Variants in NSD1 observed in about 807,000 individuals in gnomAD.
The protein encoded by NSD1 is histone-lysine N-methyltransferase, H3 lysine-36 specific.
NSD1 carries 26 observed loss-of-function variants against 242.7 expected under a neutral mutation model. That is an observed-to-expected ratio of 0.11 (90% confidence interval 0.08 to 0.15). The LOEUF (loss-of-function observed/expected upper bound fraction) is 0.15. NSD1 is among the 10% of genes least tolerant of loss of function. The pLI, the probability that NSD1 is intolerant of heterozygous loss-of-function variation, is 1.00. For missense variants in NSD1, 2,495 were observed against 3,272.8 expected (o/e 0.76, Z 5.80); for synonymous variants, 1,106 against 1,178.1 (o/e 0.94, Z 1.25).
chr5:177,232,041 A>G (rs372259833), intron 5 of NSD1, among the ~76,000 whole-genome samples: 8 of 152,212 alleles, frequency 5.3e-5, no homozygotes, highest in South Asian at 2.1e-4. Flanking sequence ...CTGGGACCGC[A>G]GGTGTGTGCC....
Position 177,265,784 on chromosome 5 carries a change from C to A in NSD1, c.5147-1778C>A, listed in dbSNP as rs1173957340. ...CAGGGACTCGGGTATGGTGGAGAAG[C>A]CGGTCCCTCCGGTCCTCTTGTGGCA... On this transcript the variant is annotated intron_variant, in intron 14 of 22. Coordinates refer to ENST00000439151, the MANE Select transcript of NSD1 (RefSeq NM_022455.5). The A allele has an allele frequency of 4.9e-6, 7 of 1,416,204 alleles. No homozygotes were observed. In the East Asian group the frequency reaches 1.4e-4, roughly 28 times the overall value. The allele number at this position is 1,416,204 out of a possible 1,614,324, so 87.7% of individuals were successfully genotyped here.
chr5:177,137,759 A>G (rs1486429564), intron 2 of NSD1, among the ~76,000 whole-genome samples: 2 of 152,082 alleles, frequency 1.3e-5, no homozygotes, highest in Non-Finnish European at 2.9e-5. Flanking sequence ...TTCTCGTCAA[A>G]GAGATGTTAG....
In NSD1 at chr5:177,300,057, G is replaced by GCCCCCCCCCCCCCCC. The variant is rs60995782; in HGVS notation, c.*4611_*4612insCCCCCCCCCCCCCCC. 1 of 129,928 alleles carries GCCCCCCCCCCCCCCC rather than the reference G, an allele frequency of 7.7e-6. No homozygotes were observed. The highest frequency in any genetic ancestry group is 4.2e-5 in the African/African-American group (1 of 23,956). 8.0% of individuals were successfully genotyped at this position (129,928 alleles called of 1,614,324 possible). On this transcript the variant is annotated 3_prime_UTR_variant, in exon 23 of 23. Transcript: ENST00000439151. Reference sequence around the variant, plus strand: ...AGGTCCATCATTGCTTTTTTGCCGCGCCCCCCCCCCCCCGCCCCCATAGAT... The same window carrying GCCCCCCCCCCCCCCC: ...AGGTCCATCATTGCTTTTTTGCCGCGCCCCCCCCCCCCCCCCCCCCCCCCCCCCGCCCCCATAGAT...
Position 177,265,831 on chromosome 5 carries a change from G to A in NSD1, c.5147-1731G>A, listed in dbSNP as rs1757389756. The A allele has an allele frequency of 2.1e-6, 3 of 1,397,772 alleles. No homozygotes were observed. In the Admixed American group the frequency reaches 5.0e-5, roughly 23 times the overall value. The allele number at this position is 1,397,772 out of a possible 1,614,324, so 86.6% of individuals were successfully genotyped here. A position where few individuals can be genotyped will look rare whatever the true frequency, so the allele number is the denominator to read the frequency against. ...GGCAGTGCGTAAACTCGATGTTGAA[G>A]TAGGCCACCTGGGTGTGCACGTAGT... On this transcript the variant is annotated intron_variant, in intron 14 of 22. Coordinates refer to ENST00000439151, the MANE Select transcript of NSD1 (RefSeq NM_022455.5).
chr5:177,159,135 G>A (rs1003059703), intron 2 of NSD1, among the ~76,000 whole-genome samples: 5 of 148,924 alleles, frequency 3.4e-5, no homozygotes, highest in East Asian at 2.0e-4. Flanking sequence ...CTCCGCCTCC[G>A]GGGTTCAAGT....
At position 177,238,701 on chromosome 5, in the gene NSD1, A is replaced by G. The variant is rs116704095; in HGVS notation, c.4192+194A>G. On this transcript the variant is annotated intron_variant, in intron 7 of 22. Coordinates refer to ENST00000439151, the MANE Select transcript of NSD1 (RefSeq NM_022455.5). This position sits in a 1 kb window ranked among gnomAD's most constrained non-coding sequence, Gnocchi z 4.6. ...TGAACTGTGGCACACTATCAAGAAG[A>G]TGTATTTTTAATAACTATGCTCCTT... is the stretch of plus-strand genomic sequence containing the variant. Among the ~76,000 whole-genome samples the G allele has an allele frequency of 1.9e-3, 295 of 152,306 alleles. 1 individual carries two copies. Among genetic ancestry groups the G allele is most frequent in the African/African-American group, 6.8e-3 (284 of 41,566 alleles).
At chr5:177,198,527 A>G in intron 3 of NSD1, among the ~76,000 whole-genome samples, 1 of 152,228 alleles carries the variant, frequency 6.6e-6, no homozygotes, top group South Asian at 2.1e-4. Context: ...ATCATGAGGG[A>G]CCTATTACTA....
chr5:177,237,735 A>G lies in NSD1; in HGVS notation c.3922-502A>G, dbSNP rs541020835. On this transcript the variant is annotated intron_variant, in intron 6 of 22. Transcript: ENST00000439151. ...TTTTAGGTAGAGACAGGGTTTCACC[A>G]TGGTAGCCAGGATGGTCTTGATCTC... Among the ~76,000 whole-genome samples the G allele has an allele frequency of 3.9e-5, 6 of 151,974 alleles. No homozygotes were observed. In the East Asian group the frequency reaches 5.8e-4, roughly 15 times the overall value.
chr5:177,256,275 CTTTTTTTTTTTTT>C (rs147226070), intron 12 of NSD1, among the ~76,000 whole-genome samples: 2 of 76,854 alleles, frequency 2.6e-5, no homozygotes, highest in Non-Finnish European at 4.9e-5. Flanking sequence ...TGCCCCCACA[CTTTTTTTTTTTTT>C]TTTTTTTTTT....
At chr5:177,141,171 G>A (rs1756778630) in intron 2 of NSD1, among the ~76,000 whole-genome samples, 2 of 150,226 alleles carry the variant, frequency 1.3e-5, no homozygotes, top group Non-Finnish European at 3.0e-5. Flanking sequence ...ACAGGCGCCC[G>A]CCACCGCAAC....
chr5:177,136,159 T>A (rs1756313305), intron 2 of NSD1, 129 bp downstream of exon 2: 2 of 811,210 alleles, frequency 2.5e-6, no homozygotes, highest in Non-Finnish European at 4.0e-6. Context: ...TTGCTAATCA[T>A]AAGCTTTGGG....
chr5:177,133,458 G>A (rs1023516338), upstream of NSD1: 4 of 151,820 alleles, frequency 2.6e-5, no homozygotes, highest in African/African-American at 9.7e-5. The surrounding 1 kb of genome is among the most constrained non-coding windows in gnomAD (Gnocchi z 6.2). Context: ...GACACTCCAA[G>A]GAGGCGCGCG....
intron 2 of NSD1, among the ~76,000 whole-genome samples, chr5:177,184,935 A>T (rs1402780968): frequency 6.6e-6 from 1 of 152,108 alleles, no homozygotes; most frequent in African/African-American, 2.4e-5. Context: ...AAGTTTTAGT[A>T]GGCTTTGGAT....
At chr5:177,227,576 A>G (rs1764728681) in intron 5 of NSD1, among the ~76,000 whole-genome samples, 2 of 152,022 alleles carry the variant, frequency 1.3e-5, no homozygotes, top group Admixed American at 6.6e-5. Flanking sequence ...CCTCCGGAGT[A>G]GCTATAGGTG....
At chr5:177,291,190 A>G (rs773217608) in intron 21 of NSD1, among the ~76,000 whole-genome samples, 1 of 152,206 alleles carries the variant, frequency 6.6e-6, no homozygotes, top group Non-Finnish European at 1.5e-5. Context: ...ACCTGAAGCT[A>G]ATTTGACTTG....
At chr5:177,287,508 C>T (rs184901171) in intron 20 of NSD1, among the ~76,000 whole-genome samples, 11 of 152,222 alleles carry the variant, frequency 7.2e-5, no homozygotes, top group Admixed American at 5.2e-4. Context: ...TGGTGGCAGG[C>T]GCCTGTAATC....
At chr5:177,258,054 C>T (rs1756668753) in intron 13 of NSD1, among the ~76,000 whole-genome samples, 2 of 137,002 alleles carry the variant, frequency 1.5e-5, no homozygotes, top group South Asian at 2.4e-4. Flanking sequence ...AATCTCAGCT[C>T]ACCGCAACCT....
chr5:177,135,875 T>C lies in NSD1; in HGVS notation c.772T>C (p.Phe258Leu), dbSNP rs1268581071. 1 of 1,607,204 alleles carries C rather than the reference T, an allele frequency of 6.2e-7. No individual in the cohort carries two copies. Among genetic ancestry groups the C allele is most frequent in the African/African-American group, 1.3e-5 (1 of 74,692 alleles). ...AAAAGCAGCCCTTCTCCCAGCCCCC[T>C]TTTCACTAGGAGACACAAACATTAC... ...NEKAALLPAP[F>L]SLGDTNITIE... The change falls in exon 2 of 23, where the codon TTT becomes CTT. Residue 258 changes from phenylalanine to leucine, a missense_variant. By Grantham distance (22) the Phe-to-Leu change is conservative. Around this residue, in one of 19 missense-constraint regions of NSD1, gnomAD observed 376 missense variants for 367.4 expected, o/e 1.02. Transcript: ENST00000439151.
chr5:177,247,565 T>TAA lies in NSD1; in HGVS notation c.4498-598_4498-597dup, dbSNP rs397881704. 2.8e-4 allele frequency among the ~76,000 whole-genome samples: 37 copies of TAA among 133,520 alleles called. No individual in the cohort carries two copies. The South Asian group carries it at 2.9e-3, about 10-fold the overall frequency. The allele number at this position is 133,520 out of a possible 152,430, so 87.6% of individuals were successfully genotyped here. On this transcript the variant is annotated intron_variant, in intron 10 of 22. Coordinates refer to ENST00000439151, the MANE Select transcript of NSD1 (RefSeq NM_022455.5). ...AATACAGTGAGACCTTGTCTCTACTTAAAAAAAAAAAAAAAAAAATCGAGA... is the reference window on the plus strand; with the variant it reads ...AATACAGTGAGACCTTGTCTCTACTTAAAAAAAAAAAAAAAAAAAAATCGAGA...
Sources: allele counts gnomAD v4.1 joint callset (sites outside exome capture counted in the v4.1 genomes callset), GRCh38; gene constraint gnomAD v4.1.1; regional missense constraint gnomAD v4.1.1; non-coding constraint Gnocchi (gnomAD v3.1); transcripts MANE v1.5; gene names NCBI Gene and HGNC (gene_info 2026-07-23, HGNC 2026-07-21).